FAT3: variants seen among roughly 807,000 people sequenced by gnomAD.
FAT3 encodes FAT atypical cadherin 3, also known as protocadherin Fat 3.
A neutral mutation model predicts 310.2 loss-of-function variants in FAT3; 95 were observed. The observed-to-expected ratio is 0.31, with a 90% CI of 0.26 to 0.36. The LOEUF is 0.36. Among genes scored for constraint, FAT3 ranks in the 10% least tolerant of loss-of-function variants. The pLI is 1.00. For synonymous variants in FAT3, 2,314 were observed against 2,192.9 expected (o/e 1.06, Z -1.54); for missense variants, 5,408 against 5,715.6 (o/e 0.95, Z 1.74).
chr11:92,592,617 G>A (rs555101201), intron 3 of FAT3, among the ~76,000 whole-genome samples: 2 of 147,434 alleles, frequency 1.4e-5, no homozygotes, highest in Admixed American at 1.3e-4. Flanking sequence ...ACCACACCTG[G>A]CCCTAATTGT....
intron 3 of FAT3, among the ~76,000 whole-genome samples, chr11:92,576,367 G>C (rs1268865882): frequency 6.6e-6 from 1 of 152,100 alleles, no homozygotes. Flanking sequence ...AGGTCTTTGG[G>C]ACATTTTTAC....
Position 92,893,076 on chromosome 11 carries a change from A to T in FAT3, c.*1963A>T, listed in dbSNP as rs1479925118. On this transcript the variant is annotated 3_prime_UTR_variant, in exon 28 of 28. Coordinates refer to ENST00000525166, the MANE Select transcript of FAT3 (RefSeq NM_001367949.2). The stretch of plus-strand genomic sequence containing the variant: ...TTGTACTGTCCCTAGTCTGTGCATT[A>T]TTCACTCAGACATATTTTTAGTTAT... The T allele has an allele frequency of 6.6e-6, 1 of 152,160 alleles. No individual in the cohort carries two copies. Among genetic ancestry groups the T allele is most frequent in the Non-Finnish European group, 1.5e-5 (1 of 68,016 alleles). 9.4% of individuals were successfully genotyped at this position (152,160 alleles called of 1,614,324 possible).
chr11:92,556,278 A>T (rs1325679980), intron 3 of FAT3, among the ~76,000 whole-genome samples: 1 of 152,062 alleles, frequency 6.6e-6, no homozygotes, highest in South Asian at 2.1e-4. Context: ...TTTAGCTGTT[A>T]TCTACCAGAC....
In FAT3 at chr11:92,801,443, C is replaced by G. The variant is rs201382387; in HGVS notation, c.8430C>G (p.Asn2810Lys). 6.2e-7 allele frequency: 1 copy of G among 1,612,330 alleles called. No individual in the cohort carries two copies. Among genetic ancestry groups the G allele is most frequent in the Non-Finnish European group, 8.5e-7 (1 of 1,179,588 alleles). ...VDIKVLDLND[N>K]KPVFETSSYD... ...TCAAGGTATTGGATTTGAATGACAA[C>G]AAGCCAGTCTTTGAAACTTCAAGCT... Residue 2810 changes from asparagine to lysine, a missense_variant, in exon 10 of 28, where the codon AAC becomes AAG. Asn to Lys is a moderately conservative substitution (Grantham distance 94). Transcript: ENST00000525166.
At chr11:92,337,949 C>T (rs12271022) in intron 1 of FAT3, among the ~76,000 whole-genome samples, 11,320 of 152,110 alleles carry the variant, frequency 0.074, 592 homozygotes, top group African/African-American at 0.14. Context: ...ATCACTAGAG[C>T]CTCTTCTTTA....
At chr11:92,397,620 A>G (rs1347785210) in intron 2 of FAT3, among the ~76,000 whole-genome samples, 3 of 152,116 alleles carry the variant, frequency 2.0e-5, no homozygotes, top group Non-Finnish European at 2.9e-5. Context: ...AGTCTCACGC[A>G]TGCATCACCA....
intron 3 of FAT3, among the ~76,000 whole-genome samples, chr11:92,581,519 A>T (rs1311019174): frequency 6.6e-6 from 1 of 152,000 alleles, no homozygotes; most frequent in Non-Finnish European, 1.5e-5. Flanking sequence ...TTCATGTGAC[A>T]GTTCAGATCA....
In FAT3 at chr11:92,867,100, G is replaced by A. The variant is rs75649640; in HGVS notation, c.12018G>A (p.Ala4006=). The change falls in exon 22 of 28, where the codon GCG becomes GCA. Residue 4006 remains alanine, a synonymous_variant. Transcript: ENST00000525166. ...LPLQNKRSSF[A]EVVGLTELKL... ...TGCAGAACAAGCGCAGCAGCTTCGC[G>A]GAGGTGGTGGGCCTGACGGAGCTGA... is the stretch of plus-strand genomic sequence containing the variant. 0.074 allele frequency: 118,077 copies of A among 1,599,916 alleles called. 5,077 individuals carry two copies. Among genetic ancestry groups the A allele is most frequent in the South Asian group, 0.15 (12,955 of 88,612 alleles).
rs556236186 is a variant in FAT3, at chr11:92,225,656, T to TAGGCG, written c.-18+488_-18+492dup. Among the ~76,000 whole-genome samples, 359 of 152,162 alleles carry TAGGCG rather than the reference T, an allele frequency of 2.4e-3. 8 individuals carry two copies. Among genetic ancestry groups the TAGGCG allele is most frequent in the Admixed American group, 0.022 (336 of 15,300 alleles). ...CCCGAGGTGCAAGTTGGGTCATCGC[T>TAGGCG]AGGCGAGGCGCGGCGCAGAGAGGGA... On this transcript the variant is annotated intron_variant, in intron 1 of 27. Transcript: ENST00000525166.
At chr11:92,500,749 A>C (rs565512833) in intron 2 of FAT3, among the ~76,000 whole-genome samples, 1 of 152,162 alleles carries the variant, frequency 6.6e-6, no homozygotes, top group African/African-American at 2.4e-5. Flanking sequence ...GGAAAAGGAA[A>C]AGTATCACCT....
At chr11:92,430,765 G>GT (rs139777378) in intron 2 of FAT3, among the ~76,000 whole-genome samples, 101,770 of 151,672 alleles carry the variant, frequency 0.67, 37,686 homozygotes, top group Non-Finnish European at 0.8. Flanking sequence ...GCGATGTTTG[G>GT]TTTTTTGTCC....
chr11:92,331,737 C>T (rs567247114), intron 1 of FAT3, among the ~76,000 whole-genome samples: 102 of 152,178 alleles, frequency 6.7e-4, no homozygotes, highest in Admixed American at 2.2e-3. Context: ...GTTTTTTAAA[C>T]GGAATTTTCT....
chr11:92,226,736 G>C (rs1260805903), intron 1 of FAT3, among the ~76,000 whole-genome samples: 1 of 152,068 alleles, frequency 6.6e-6, no homozygotes, highest in Non-Finnish European at 1.5e-5. Context: ...CGCGGAATCT[G>C]GTGGACTCCT....
intron 3 of FAT3, among the ~76,000 whole-genome samples, chr11:92,633,941 G>A (rs1027114627): frequency 2.6e-5 from 4 of 152,198 alleles, no homozygotes; most frequent in Non-Finnish European, 5.9e-5. Context: ...GCTAAGTGCT[G>A]TGGATACAGA....
Position 92,544,355 on chromosome 11 carries a change from G to T in FAT3, c.3607+19407G>T, listed in dbSNP as rs150210924. Among the ~76,000 whole-genome samples, 380 of 152,230 alleles carry T rather than the reference G, an allele frequency of 2.5e-3. 4 individuals are homozygous for T. Among genetic ancestry groups the T allele is most frequent in the African/African-American group, 9.0e-3 (373 of 41,540 alleles). On this transcript the variant is annotated intron_variant, in intron 3 of 27. Coordinates refer to ENST00000525166, the MANE Select transcript of FAT3 (RefSeq NM_001367949.2). ...TCAATTGTACATTTCAAAATAGCTA[G>T]AAGGGAATAAGTCAAATGTTTCTAG...
chr11:92,505,491 G>A (rs1271727308), intron 2 of FAT3, among the ~76,000 whole-genome samples: 2 of 152,084 alleles, frequency 1.3e-5, no homozygotes, highest in Non-Finnish European at 2.9e-5. Flanking sequence ...GCCCTCTCTG[G>A]GATATCTCTG....
intron 3 of FAT3, among the ~76,000 whole-genome samples, chr11:92,549,208 A>G (rs1412831348): frequency 2.0e-5 from 3 of 151,892 alleles, no homozygotes; most frequent in African/African-American, 7.3e-5. Flanking sequence ...ACTCATTCAC[A>G]TTTTTTCTTG....
At chr11:92,231,727 G>T (rs1864189034) in intron 1 of FAT3, among the ~76,000 whole-genome samples, 1 of 151,800 alleles carries the variant, frequency 6.6e-6, no homozygotes, top group African/African-American at 2.4e-5. Flanking sequence ...TTTGATAATT[G>T]TAAACATCTA....
intron 22 of FAT3, among the ~76,000 whole-genome samples, chr11:92,879,147 C>T (rs1238710449): frequency 6.6e-6 from 1 of 152,154 alleles, no homozygotes; most frequent in Non-Finnish European, 1.5e-5. Flanking sequence ...TAATTTTTTA[C>T]ACAACCTGTC....
Sources: allele counts gnomAD v4.1 joint callset (sites outside exome capture counted in the v4.1 genomes callset), GRCh38; gene constraint gnomAD v4.1.1; transcripts MANE v1.5; gene names NCBI Gene and HGNC (gene_info 2026-07-23, HGNC 2026-07-21).